DTNA: variants seen among roughly 807,000 people sequenced by gnomAD.
DTNA encodes the protein dystrophin-related protein 3.
DTNA carries 43 observed loss-of-function variants against 100.7 expected under a neutral mutation model. The observed-to-expected ratio is 0.43, with a 90% confidence interval of 0.33 to 0.55. DTNA has a LOEUF of 0.55. DTNA is among the 20% of genes least tolerant of loss of function. The pLI is 0.04. For synonymous variants in DTNA, 349 were observed against 347.9 expected (o/e 1.00, Z -0.04); for missense variants, 798 against 953.9 (o/e 0.84, Z 2.15).
At chr18:34,705,583 A>G (rs2082014877), upstream of DTNA, among the ~76,000 whole-genome samples, 1 of 152,216 alleles carries the variant, frequency 6.6e-6, no homozygotes. Context: ...GATTCCTCAT[A>G]AATAAAAATC....
intron 1 of DTNA, among the ~76,000 whole-genome samples, chr18:34,663,600 T>G (rs1407755813): frequency 1.3e-5 from 2 of 152,216 alleles, no homozygotes; most frequent in African/African-American, 4.8e-5. Context: ...TAGAACATTT[T>G]TTTTTTGAAA....
chr18:34,829,628 T>A, intron 11 of DTNA, 139 bp downstream of exon 11: 1 of 915,584 alleles, frequency 1.1e-6, no homozygotes, highest in Non-Finnish European at 1.5e-6. Context: ...AATGAAATTG[T>A]GTTGAGACTT....
intron 1 of DTNA, among the ~76,000 whole-genome samples, chr18:34,497,685 A>T (rs1601102044): frequency 7.3e-6 from 1 of 136,548 alleles, no homozygotes; most frequent in South Asian, 2.2e-4. Context: ...TCCATTGTTT[A>T]AAAAAAAAAA....
At chr18:34,693,112 T>G (rs539286354) in intron 1 of DTNA, among the ~76,000 whole-genome samples, 1 of 152,312 alleles carries the variant, frequency 6.6e-6, no homozygotes, top group African/African-American at 2.4e-5. Context: ...AGGGTTCCTT[T>G]GTGAAAAATC....
chr18:34,595,845 T>C (rs1267898693), intron 1 of DTNA, among the ~76,000 whole-genome samples: 1 of 152,220 alleles, frequency 6.6e-6, no homozygotes, highest in East Asian at 1.9e-4. Flanking sequence ...AGAATCATCT[T>C]AGACAAAGTA....
intron 1 of DTNA, among the ~76,000 whole-genome samples, chr18:34,511,707 C>A (rs568865940): frequency 6.6e-6 from 1 of 151,984 alleles, no homozygotes; most frequent in Non-Finnish European, 1.5e-5. Flanking sequence ...CTCTCCAGAA[C>A]TGTGATTAAG....
intron 1 of DTNA, among the ~76,000 whole-genome samples, chr18:34,669,357 T>G (rs190993363): frequency 2.2e-3 from 334 of 152,304 alleles, no homozygotes; most frequent in African/African-American, 7.9e-3. Context: ...TACAGTACAC[T>G]GGTGGGTCTT....
At chr18:34,562,939 T>C (rs1047488709) in intron 1 of DTNA, among the ~76,000 whole-genome samples, 1 of 152,202 alleles carries the variant, frequency 6.6e-6, no homozygotes, top group Non-Finnish European at 1.5e-5. Flanking sequence ...TACTGTACCT[T>C]TGGACAAATT....
chr18:34,752,706 A>G (rs1378797560), intron 1 of DTNA, among the ~76,000 whole-genome samples: 3 of 152,124 alleles, frequency 2.0e-5, no homozygotes, highest in African/African-American at 7.2e-5. Flanking sequence ...TACCACAGAG[A>G]TTTTTCTATC....
At chr18:34,534,575 A>G (rs765585131) in intron 1 of DTNA, among the ~76,000 whole-genome samples, 1 of 151,920 alleles carries the variant, frequency 6.6e-6, no homozygotes, top group Non-Finnish European at 1.5e-5. Flanking sequence ...TGCTGCACCT[A>G]TCAACCCATC....
At chr18:34,634,806 C>T (rs2058485296) in intron 1 of DTNA, among the ~76,000 whole-genome samples, 4 of 152,132 alleles carry the variant, frequency 2.6e-5, no homozygotes, top group South Asian at 2.1e-4. Context: ...TGCACTACCT[C>T]CTTTTTTGTA....
chr18:34,818,743 C>T (rs188159465), intron 8 of DTNA: 161 of 693,842 alleles, frequency 2.3e-4, no homozygotes, highest in African/African-American at 2.1e-3. Flanking sequence ...CTTTTAAGTG[C>T]GTGACTAGAA....
intron 1 of DTNA, among the ~76,000 whole-genome samples, chr18:34,725,640 A>G (rs1313180506): frequency 6.6e-6 from 1 of 152,242 alleles, no homozygotes; most frequent in Non-Finnish European, 1.5e-5. Context: ...ACACTTTTAC[A>G]CTGTTGGTGG....
chr18:34,755,692 G>C, intron 1 of DTNA: 1 of 383,064 alleles, frequency 2.6e-6, no homozygotes, highest in Non-Finnish European at 4.9e-6. Context: ...ATGGTAGATT[G>C]TTGTATTTAG....
At chr18:34,618,683 G>A (rs2055831220) in intron 1 of DTNA, among the ~76,000 whole-genome samples, 2 of 152,124 alleles carry the variant, frequency 1.3e-5, no homozygotes, top group Non-Finnish European at 2.9e-5. Flanking sequence ...ATGTCATGTT[G>A]TGATAAAAGA....
At chr18:34,866,515 A>G in intron 17 of DTNA, 1 of 1,140,606 alleles carries the variant, frequency 8.8e-7, no homozygotes, top group Non-Finnish European at 1.1e-6. Flanking sequence ...GGTTCATGTC[A>G]TCCCAAAACC....
chr18:34,662,847 C>A (rs890923384), intron 1 of DTNA: 1 of 152,154 alleles, frequency 6.6e-6, no homozygotes, highest in Non-Finnish European at 1.5e-5. Context: ...TATGCCCTTC[C>A]TTTTAGGACA....
At chr18:34,858,100 C>T (rs2096574396) in intron 15 of DTNA, among the ~76,000 whole-genome samples, 185 bp from the exon 16 acceptor site, 1 of 152,168 alleles carries the variant, frequency 6.6e-6, no homozygotes, top group South Asian at 2.1e-4. Context: ...TCACCCACAG[C>T]ACCCATCTAG....
intron 1 of DTNA, among the ~76,000 whole-genome samples, chr18:34,618,215 C>T (rs2055725693): frequency 6.6e-6 from 1 of 152,068 alleles, no homozygotes; most frequent in Admixed American, 6.6e-5. Flanking sequence ...ATCTTTTTAC[C>T]TTTAAAATAT....
Sources: allele counts gnomAD v4.1 joint callset (sites outside exome capture counted in the v4.1 genomes callset), GRCh38; gene constraint gnomAD v4.1.1; transcripts MANE v1.5; gene names NCBI Gene and HGNC (gene_info 2026-07-23, HGNC 2026-07-21).